The following LRP1B variants were observed in gnomAD, a reference collection of about 807,000 sequenced individuals.
The protein encoded by LRP1B is LDL receptor related protein 1B.
LRP1B carries 217 observed loss-of-function variants against 556.6 expected under a neutral mutation model. That is an observed-to-expected ratio of 0.39 (90% CI 0.35 to 0.44). The LOEUF (loss-of-function observed/expected upper bound fraction) is 0.44. Among genes scored for constraint, LRP1B ranks in the 20% least tolerant of loss-of-function variants. LRP1B has a pLI of 1.00. For synonymous variants in LRP1B, 2,047 were observed against 1,865.8 expected (o/e 1.10, Z -2.50); for missense variants, 5,053 against 5,620.8 (o/e 0.90, Z 3.23).
intron 23 of LRP1B, chr2:140,898,505 A>G (rs1694012943): frequency 4.2e-6 from 1 of 238,256 alleles, no homozygotes; most frequent in Admixed American, 5.0e-5. Context: ...GGGCTGACCA[A>G]GTTCTCCTTA....
At chr2:140,734,759 C>A (rs374625260) in intron 35 of LRP1B, among the ~76,000 whole-genome samples, 16 of 151,880 alleles carry the variant, frequency 1.1e-4, no homozygotes, top group South Asian at 2.1e-4. Flanking sequence ...CAGATACTAA[C>A]GGAGGCCCTT....
intron 1 of LRP1B, among the ~76,000 whole-genome samples, chr2:141,819,163 G>A (rs774875079): frequency 5.3e-5 from 8 of 151,874 alleles, no homozygotes; most frequent in South Asian, 2.1e-4. Flanking sequence ...ACTTGAACCC[G>A]GGAGGCGGAG....
chr2:141,441,803 A>G (rs1370439032), intron 3 of LRP1B, among the ~76,000 whole-genome samples: 1 of 152,222 alleles, frequency 6.6e-6, no homozygotes, highest in Non-Finnish European at 1.5e-5. Context: ...AAAGATTTTC[A>G]ATAATGCAAG....
rs760854078 is a variant in LRP1B, at chr2:140,371,265, G to A, written c.10789C>T (p.Arg3597Cys). The A allele has an allele frequency of 1.3e-5, 21 of 1,579,658 alleles. No homozygotes were observed. The highest frequency in any genetic ancestry group is 2.3e-5 in the East Asian group (1 of 43,404). Residue 3597 changes from arginine (R) to cysteine (C), a missense_variant, in exon 70 of 91, where the codon CGT becomes TGT. Arg to Cys is a radical substitution (Grantham distance 180, BLOSUM62 -3). Around this residue, in one of 5 missense-constraint regions of LRP1B, gnomAD observed 599 missense variants for 648.4 expected, o/e 0.92. Transcript: ENST00000389484. ...CCATCACTGGCACATATATATTCAC[G>A]TGATGAGCAAGTAGGAGAAGCTGAA... is the stretch of plus-strand genomic sequence containing the variant. ...CEPASPTCSS[R>C]EYICASDGCI...
intron 2 of LRP1B, among the ~76,000 whole-genome samples, chr2:141,497,005 A>C (rs1353201216): frequency 6.6e-6 from 1 of 152,008 alleles, no homozygotes; most frequent in Non-Finnish European, 1.5e-5. Context: ...AATTTACTGC[A>C]CATTATCATA....
chr2:140,754,039 T>A (rs1688666399), intron 35 of LRP1B, among the ~76,000 whole-genome samples: 1 of 152,138 alleles, frequency 6.6e-6, no homozygotes, highest in Non-Finnish European at 1.5e-5. Flanking sequence ...ACATCCTGCC[T>A]ACTGCCAGAG....
intron 41 of LRP1B, among the ~76,000 whole-genome samples, chr2:140,673,088 G>T (rs1685546916): frequency 6.6e-6 from 1 of 151,966 alleles, no homozygotes; most frequent in South Asian, 2.1e-4. Context: ...ATCAAGCCCT[G>T]GTTATTTTTT....
chr2:141,238,753 G>T (rs563392164), intron 5 of LRP1B, among the ~76,000 whole-genome samples: 91 of 152,122 alleles, frequency 6.0e-4, no homozygotes, highest in African/African-American at 2.0e-3. Context: ...TATAAACAAA[G>T]GGTTTGAGAA....
At chr2:140,862,021 G>A (rs1692812885) in intron 27 of LRP1B, among the ~76,000 whole-genome samples, 1 of 151,868 alleles carries the variant, frequency 6.6e-6, no homozygotes, top group Non-Finnish European at 1.5e-5. Context: ...TTCATTTTCT[G>A]TAATACTCTT....
At chr2:141,732,263 C>A (rs556049597) in intron 2 of LRP1B, among the ~76,000 whole-genome samples, 6 of 152,238 alleles carry the variant, frequency 3.9e-5, no homozygotes, top group African/African-American at 1.4e-4. Flanking sequence ...TTAAAAAAAT[C>A]TGTAACTGTT....
intron 2 of LRP1B, among the ~76,000 whole-genome samples, chr2:141,742,357 T>C (rs1693744619): frequency 6.6e-6 from 1 of 151,594 alleles, no homozygotes; most frequent in African/African-American, 2.4e-5. Context: ...GTTAAAGCAA[T>C]TCTCCTGCCT....
intron 3 of LRP1B, among the ~76,000 whole-genome samples, chr2:141,386,808 T>C (rs534892549): frequency 6.6e-6 from 1 of 152,056 alleles, no homozygotes; most frequent in Non-Finnish European, 1.5e-5. Flanking sequence ...TAATAATTAG[T>C]ACATCTAACA....
In LRP1B at chr2:141,040,951, A is replaced by G. The variant is rs528551561; in HGVS notation, c.1789+8035T>C. 3.9e-5 allele frequency among the ~76,000 whole-genome samples: 6 copies of G among 152,238 alleles called. No individual in the cohort carries two copies. In the East Asian group the frequency reaches 1.2e-3, roughly 29 times the overall value. On this transcript the variant is annotated intron_variant, in intron 11 of 90. Transcript: ENST00000389484. Reference sequence around the variant, plus strand: ...ATTCTTCCTGGCTATTCTTCTCTTCATAATGTCATAAAAGAGAAACCTACC... The same window carrying G: ...ATTCTTCCTGGCTATTCTTCTCTTCGTAATGTCATAAAAGAGAAACCTACC...
At chr2:141,267,791 G>A (rs1376541689) in intron 3 of LRP1B, among the ~76,000 whole-genome samples, 1 of 152,024 alleles carries the variant, frequency 6.6e-6, no homozygotes, top group African/African-American at 2.4e-5. Flanking sequence ...ATTGAAGAAG[G>A]ATTATACACA....
intron 1 of LRP1B, among the ~76,000 whole-genome samples, chr2:141,936,120 T>C (rs1054438334): frequency 2.0e-5 from 3 of 152,162 alleles, no homozygotes; most frequent in Non-Finnish European, 4.4e-5. Flanking sequence ...TTACCTTTAA[T>C]GAAGAACTCT....
At chr2:140,652,061 A>T (rs912848003) in intron 41 of LRP1B, among the ~76,000 whole-genome samples, 4 of 151,952 alleles carry the variant, frequency 2.6e-5, no homozygotes, top group Non-Finnish European at 5.9e-5. Flanking sequence ...GAGATTTTAT[A>T]AAAAAAAGTA....
At chr2:141,174,853 TA>T (rs1454657577) in intron 7 of LRP1B, among the ~76,000 whole-genome samples, 2 of 152,054 alleles carry the variant, frequency 1.3e-5, no homozygotes, top group Non-Finnish European at 2.9e-5. Context: ...CCTAGAGACT[TA>T]TTGAATGGTT....
At chr2:140,571,629 ATT>A (rs70988407) in intron 43 of LRP1B, among the ~76,000 whole-genome samples, 7 of 151,670 alleles carry the variant, frequency 4.6e-5, no homozygotes, top group African/African-American at 7.2e-5. Flanking sequence ...TACCAATGAC[ATT>A]TTTTTACAGA....
intron 87 of LRP1B, among the ~76,000 whole-genome samples, chr2:140,239,964 G>C (rs1257209086): frequency 6.6e-6 from 1 of 150,828 alleles, no homozygotes; most frequent in East Asian, 2.0e-4. Context: ...TTCTGGTCAG[G>C]GGTCCATGTG....
Sources: allele counts gnomAD v4.1 joint callset (sites outside exome capture counted in the v4.1 genomes callset), GRCh38; gene constraint gnomAD v4.1.1; regional missense constraint gnomAD v4.1.1; transcripts MANE v1.5; gene names NCBI Gene and HGNC (gene_info 2026-07-23, HGNC 2026-07-21).